The following SNAPC2 variants were observed in gnomAD, a reference collection of about 807,000 sequenced individuals.
SNAPC2 encodes the protein small nuclear RNA activating complex polypeptide 2.
In SNAPC2, 27 loss-of-function variants were observed where a neutral mutation model predicts 22.9. The ratio of observed to expected loss-of-function variants is 1.18; its 90% confidence interval spans 0.87 to 1.63. SNAPC2 has a LOEUF of 1.63. SNAPC2 is among the 40% of genes most tolerant of loss of function. SNAPC2 has a pLI of 0.00. For synonymous variants in SNAPC2, 272 were observed against 201.0 expected (o/e 1.35, Z -2.99); for missense variants, 570 against 449.1 (o/e 1.27, Z -2.43).
At chr19:7,920,953 C>A in intron 1 of SNAPC2, 2 of 827,186 alleles carry the variant, frequency 2.4e-6, no homozygotes, top group Non-Finnish European at 2.8e-6. Context: ...GGGAGTAAGG[C>A]GTGGGAGGGG....
At position 7,922,130 on chromosome 19, in the gene SNAPC2, C is replaced by A; in HGVS notation, c.468C>A (p.Ala156=). The A allele has an allele frequency of 6.2e-7, 1 of 1,614,042 alleles. No individual in the cohort carries two copies. Among genetic ancestry groups the A allele is most frequent in the Non-Finnish European group, 8.5e-7 (1 of 1,179,982 alleles). The change falls in exon 4 of 5, where the codon GCC becomes GCA. Residue 156 remains alanine, a synonymous_variant. Coordinates refer to ENST00000221573, the MANE Select transcript of SNAPC2 (RefSeq NM_003083.4). ...QARGKPLLLS[A]PGGQEDPAPE... ...GTGGAAAGCCTTTGCTCCTGAGCGC[C>A]CCTGGAGGACAGGAAGACCCCGCCC...
chr19:7,922,153 C>T lies in SNAPC2; in HGVS notation c.491C>T (p.Ala164Val). 1 of 1,614,060 alleles carries T rather than the reference C, an allele frequency of 6.2e-7. No homozygotes were observed. The highest frequency in any genetic ancestry group is 8.5e-7 in the Non-Finnish European group (1 of 1,180,014). ...GCCCCTGGAGGACAGGAAGACCCCG[C>T]CCCTGAAATACCTAGCTCTGCCCCT... ...LSAPGGQEDP[A>V]PEIPSSAPAA... The change falls in exon 4 of 5, where the codon GCC becomes GTC. Residue 164 changes from alanine (A) to valine (V), a missense_variant. Ala to Val is a moderately conservative substitution (Grantham distance 64, BLOSUM62 0). Coordinates refer to ENST00000221573, the MANE Select transcript of SNAPC2 (RefSeq NM_003083.4).
Position 7,921,770 on chromosome 19 carries a change from G to A in SNAPC2, c.369G>A (p.Ser123=), listed in dbSNP as rs1188491006. The A allele has an allele frequency of 6.2e-7, 1 of 1,612,360 alleles. No individual in the cohort carries two copies. The highest frequency in any genetic ancestry group is 1.7e-5 in the Admixed American group (1 of 59,830). ...AAGAAGCCCTGGCAGTGGCTTTCTC[G>A]CAGGTACCGCCATTCCCCCAGGCAG... ...PLEEALAVAF[S]QVLTIAATEP... Residue 123 remains serine (S), a synonymous_variant, in exon 3 of 5, where the codon TCG becomes TCA. Coordinates refer to ENST00000221573, the MANE Select transcript of SNAPC2 (RefSeq NM_003083.4).
intron 3 of SNAPC2, 85 bp downstream of exon 3, chr19:7,921,858 C>T: frequency 6.8e-7 from 1 of 1,477,728 alleles, no homozygotes; most frequent in Non-Finnish European, 9.4e-7. Flanking sequence ...GTCCTGGGCC[C>T]TTTTGCCAGC....
rs984799063 is a variant in SNAPC2, at chr19:7,920,533, G to C, written c.167G>C (p.Gly56Ala). ...ACCGAGCTGGCCCGGGAGCTGCGGGGCCGGAGCGAGGCTGAGGTGAGATGC... is the reference window on the plus strand; with the variant it reads ...ACCGAGCTGGCCCGGGAGCTGCGGGCCCGGAGCGAGGCTGAGGTGAGATGC... ...DATELARELR[G>A]RSEAEIRVFL... Residue 56 changes from glycine (G) to alanine (A), a missense_variant, in exon 1 of 5, where the codon GGC becomes GCC. Physicochemically the swap from Gly to Ala is moderately conservative, Grantham distance 60 (BLOSUM62 0). Transcript: ENST00000221573. 1 of 1,434,682 alleles carries C rather than the reference G, an allele frequency of 7.0e-7. No homozygotes were observed. The highest frequency in any genetic ancestry group is 9.1e-7 in the Non-Finnish European group (1 of 1,101,094). 88.9% of individuals were successfully genotyped at this position (1,434,682 alleles called of 1,614,324 possible).
chr19:7,922,734 T>G lies in SNAPC2; in HGVS notation c.975T>G (p.Leu325=). The G allele has an allele frequency of 6.3e-7, 1 of 1,596,438 alleles. No homozygotes were observed. Among genetic ancestry groups the G allele is most frequent in the Admixed American group, 1.7e-5 (1 of 58,998 alleles). ...PLNPFLVPLE[L]LGRAATPAR ...ACCCGTTCCTGGTGCCCCTGGAGCT[T>G]CTGGGTCGGGCAGCCACCCCTGCCA... The change falls in exon 5 of 5, where the codon CTT becomes CTG. Residue 325 remains leucine, a synonymous_variant. Transcript: ENST00000221573.
At chr19:7,921,566 G>A in intron 2 of SNAPC2, 24 bp downstream of exon 2, 2 of 1,605,844 alleles carry the variant, frequency 1.2e-6, no homozygotes, top group Non-Finnish European at 1.7e-6. Context: ...ACAGGGTGAG[G>A]CTGTCCAGGG....
intron 3 of SNAPC2, 70 bp from the exon 4 acceptor site, chr19:7,921,965 G>A (rs1983589595): frequency 2.0e-6 from 3 of 1,512,922 alleles, no homozygotes; most frequent in Non-Finnish European, 2.7e-6. Context: ...TGGCAGGGAG[G>A]ATGGGGGAAT....
At position 7,920,383 on chromosome 19, in the gene SNAPC2, G is replaced by T. The variant is rs775924351; in HGVS notation, c.17G>T (p.Arg6Met). Reference protein sequence around the residue: MKPPPRRRAAPARYLG... With the variant: MKPPPMRRAAPARYLG... The stretch of plus-strand genomic sequence containing the variant: ...CTGAGCGGCATGAAGCCACCTCCCA[G>T]GCGGCGAGCGGCCCCGGCGCGCTAT... The change falls in exon 1 of 5, where the codon AGG (arginine) becomes ATG (methionine). Residue 6 changes from arginine (R) to methionine (M), a missense_variant. By Grantham distance (91) the Arg-to-Met change is moderately conservative. Transcript: ENST00000221573. The T allele has an allele frequency of 6.3e-7, 1 of 1,579,314 alleles. No homozygotes were observed. Among genetic ancestry groups the T allele is most frequent in the Non-Finnish European group, 8.5e-7 (1 of 1,170,660 alleles).
At chr19:7,921,010 G>A in intron 1 of SNAPC2, 1 of 1,139,898 alleles carries the variant, frequency 8.8e-7, no homozygotes, top group Non-Finnish European at 1.1e-6. Context: ...GAGCCTCGGG[G>A]TAATGCGTGG....
chr19:7,921,619 A>G (rs1231015932), intron 2 of SNAPC2, 77 bp downstream of exon 2: 2 of 1,605,512 alleles, frequency 1.2e-6, no homozygotes, highest in African/African-American at 2.7e-5. Context: ...GGATAACCTG[A>G]TTAGGGGATC....
At position 7,920,395 on chromosome 19, in the gene SNAPC2, C is replaced by T. The variant is rs1456765946; in HGVS notation, c.29C>T (p.Ala10Val). Residue 10 changes from alanine (A) to valine (V), a missense_variant, in exon 1 of 5, where the codon GCC becomes GTC. Transcript: ENST00000221573. MKPPPRRRA[A>V]PARYLGEVTG... ...AAGCCACCTCCCAGGCGGCGAGCGG[C>T]CCCGGCGCGCTATCTGGGCGAGGTG... 2 of 1,580,948 alleles carry T rather than the reference C, an allele frequency of 1.3e-6. No homozygotes were observed. The highest frequency in any genetic ancestry group is 8.5e-7 in the Non-Finnish European group (1 of 1,171,500).
Position 7,921,519 on chromosome 19 carries a change from G to GCACAGCC in SNAPC2, c.282_288dup (p.Pro97ThrfsTer14), listed in dbSNP as rs1169009878. On this transcript the variant is annotated frameshift_variant, in exon 2 of 5. Coordinates refer to ENST00000221573, the MANE Select transcript of SNAPC2 (RefSeq NM_003083.4). LOFTEE classifies it high-confidence loss of function. Reference sequence around the variant, plus strand: ...CCTTCAGGGACCAAGGCGCCGGGAGGCACAGCCCCCAGCCCCCATAGAGGT... The same window carrying GCACAGCC: ...CCTTCAGGGACCAAGGCGCCGGGAGGCACAGCCCACAGCCCCCAGCCCCCATAGAGGT... 3 of 1,613,238 alleles carry GCACAGCC rather than the reference G, an allele frequency of 1.9e-6. No homozygotes were observed. The African/African-American group carries it at 4.0e-5, about 22-fold the overall frequency.
chr19:7,921,504 C>G lies in SNAPC2; in HGVS notation c.265C>G (p.Pro89Ala), dbSNP rs1450494406. 3 of 1,613,664 alleles carry G rather than the reference C, an allele frequency of 1.9e-6. No individual in the cohort carries two copies. Among genetic ancestry groups the G allele is most frequent in the Non-Finnish European group, 2.5e-6 (3 of 1,179,818 alleles). Reference sequence around the variant, plus strand: ...AGTGCATCCGGGTGGCCTTCAGGGACCAAGGCGCCGGGAGGCACAGCCCCC... The same window carrying G: ...AGTGCATCCGGGTGGCCTTCAGGGAGCAAGGCGCCGGGAGGCACAGCCCCC... ...QKVHPGGLQG[P>A]RRREAQPPAP... Residue 89 changes from proline to alanine, a missense_variant, in exon 2 of 5, where the codon CCA becomes GCA. Coordinates refer to ENST00000221573, the MANE Select transcript of SNAPC2 (RefSeq NM_003083.4).
rs761191300 is a variant in SNAPC2, at chr19:7,922,461, C to G, written c.702C>G (p.Leu234=). The change falls in exon 5 of 5, where the codon CTC becomes CTG. Residue 234 remains leucine, a synonymous_variant. Transcript: ENST00000221573. Reference sequence around the variant, plus strand: ...CATCACTAGAGTCCGCTGTGGTCCTCGACCTGCTCATGTCACTTCCAGAGG... The same window carrying G: ...CATCACTAGAGTCCGCTGTGGTCCTGGACCTGCTCATGTCACTTCCAGAGG... ...ELSAAESAVV[L]DLLMSLPEEL... is the part of the protein sequence containing the mutation. 8.2e-6 allele frequency: 13 copies of G among 1,591,608 alleles called. No homozygotes were observed. Among genetic ancestry groups the G allele is most frequent in the Non-Finnish European group, 1.1e-5 (13 of 1,166,276 alleles).
chr19:7,921,222 G>A, intron 1 of SNAPC2: 1 of 1,419,364 alleles, frequency 7.0e-7, no homozygotes, highest in Admixed American at 2.7e-5. Flanking sequence ...AACTGGCCTG[G>A]GCCTTACAAC....
At chr19:7,920,848 G>A (rs1425424232) in intron 1 of SNAPC2, 3 of 721,268 alleles carry the variant, frequency 4.2e-6, no homozygotes, top group Admixed American at 1.0e-4. Flanking sequence ...TGCCGCTGAG[G>A]TTTGGAGAGT....
At chr19:7,921,316 T>G in intron 1 of SNAPC2, 107 bp from the exon 2 acceptor site, 1 of 1,563,476 alleles carries the variant, frequency 6.4e-7, no homozygotes, top group Non-Finnish European at 8.7e-7. Flanking sequence ...AGCAGGAGAC[T>G]AAGGCGCAGT....
rs749605484 is a variant in SNAPC2 at position 7,923,034 on chromosome 19, C to T, written c.*270C>T. 4.6e-6 allele frequency: 2 copies of T among 434,628 alleles called. No homozygotes were observed. The highest frequency in any genetic ancestry group is 8.2e-6 in the Non-Finnish European group (2 of 244,354). The allele number at this position is 434,628 out of a possible 1,614,324, so 26.9% of individuals were successfully genotyped here. On this transcript the variant is annotated 3_prime_UTR_variant, in exon 5 of 5. Transcript: ENST00000221573. ...GGACAGGGCTGGCCTCCCCCAGTCCCCAAGCCCCACTGTGCCTTGTTGTCT... is the reference window on the plus strand; with the variant it reads ...GGACAGGGCTGGCCTCCCCCAGTCCTCAAGCCCCACTGTGCCTTGTTGTCT...
Sources: allele counts gnomAD v4.1 joint callset, GRCh38; gene constraint gnomAD v4.1.1; transcripts MANE v1.5; gene names NCBI Gene and HGNC (gene_info 2026-07-23, HGNC 2026-07-21).